Variants in MSI2 observed in about 807,000 individuals in gnomAD.
The protein encoded by MSI2 is RNA-binding protein Musashi homolog 2.
A neutral mutation model predicts 45.6 loss-of-function variants in MSI2; 17 were observed. That is an observed-to-expected ratio of 0.37 (90% CI 0.26 to 0.56). The LOEUF (loss-of-function observed/expected upper bound fraction) is 0.56, where lower values mean the gene tolerates loss of function less well. MSI2 is among the 20% of genes least tolerant of loss of function. The probability of loss-of-function intolerance (pLI) is 0.77; values close to 1 mark genes in which losing one functional copy is unlikely to be tolerated. For missense variants in MSI2, 293 were observed against 444.2 expected (o/e 0.66, Z 3.06); for synonymous variants, 156 against 158.2 (o/e 0.99, Z 0.11).
chr17:57,269,373 A>T (rs912729354), intron 5 of MSI2, among the ~76,000 whole-genome samples: 1 of 152,096 alleles, frequency 6.6e-6, no homozygotes, highest in African/African-American at 2.4e-5. Context: ...GCTCATTCAG[A>T]CCCATATAGA....
At chr17:57,424,796 G>T (rs2084461519) in intron 6 of MSI2, among the ~76,000 whole-genome samples, 1 of 152,102 alleles carries the variant, frequency 6.6e-6, no homozygotes, top group African/African-American at 2.4e-5. Context: ...TAGGGCAGGG[G>T]TCTGATGACT....
intron 8 of MSI2, among the ~76,000 whole-genome samples, chr17:57,603,540 G>C (rs544038685): frequency 6.6e-6 from 1 of 152,182 alleles, no homozygotes; most frequent in African/African-American, 2.4e-5. Flanking sequence ...GTCTCGGCCT[G>C]TTCTGTTGTA....
intron 5 of MSI2, chr17:57,265,177 G>A (rs1464544653): frequency 6.6e-6 from 1 of 152,186 alleles, no homozygotes; most frequent in East Asian, 1.9e-4. Context: ...CAAAACCCAG[G>A]AGCATAGAAC....
intron 10 of MSI2, among the ~76,000 whole-genome samples, chr17:57,639,457 C>T (rs1243165181): frequency 6.6e-6 from 1 of 152,228 alleles, no homozygotes; most frequent in African/African-American, 2.4e-5. Context: ...TTCTCAAACC[C>T]AGGGAATCCC....
intron 7 of MSI2, among the ~76,000 whole-genome samples, chr17:57,533,122 C>T (rs1466324347): frequency 6.6e-6 from 1 of 152,208 alleles, no homozygotes; most frequent in African/African-American, 2.4e-5. Flanking sequence ...CTGGTCACCT[C>T]CTGTCCCTGC....
At position 57,502,636 on chromosome 17, in the gene MSI2, T is replaced by TATATATATATAG; in HGVS notation, c.406-27039_406-27038insTATATATATAGA. Among the ~76,000 whole-genome samples the TATATATATATAG allele has an allele frequency of 4.3e-3, 420 of 96,682 alleles. 8 individuals are homozygous for TATATATATATAG. The highest frequency in any genetic ancestry group is 0.018 in the Middle Eastern group (3 of 168). 63.4% of individuals were successfully genotyped at this position (96,682 alleles called of 152,430 possible). ...ATATATATATATATATATATATATA[T>TATATATATATAG]AGTCATCATTCTGTCATGCAGGAAG... On this transcript the variant is annotated intron_variant, in intron 6 of 13. Transcript: ENST00000284073.
rs528117153 is a variant in MSI2, at chr17:57,552,875, G to A, written c.454+23151G>A. 6.6e-6 allele frequency among the ~76,000 whole-genome samples: 1 copy of A among 152,300 alleles called. No individual in the cohort carries two copies. The highest frequency in any genetic ancestry group is 2.1e-4 in the South Asian group (1 of 4,822). On this transcript the variant is annotated intron_variant, in intron 7 of 13. Coordinates refer to ENST00000284073, the MANE Select transcript of MSI2 (RefSeq NM_138962.4). The surrounding 1 kb of genome is among the most constrained non-coding windows in gnomAD (Gnocchi z 4.3). ...AACAACCCGGAAATCACTGCCCCTA[G>A]AATTCACAGAGTGGAAGAACCAAGC...
chr17:57,267,698 CT>C (rs1342751640), intron 5 of MSI2: 7 of 151,860 alleles, frequency 4.6e-5, no homozygotes, highest in Non-Finnish European at 8.8e-5. Context: ...TGGGTTAATC[CT>C]TGTTCATTGC....
chr17:57,652,251 C>A lies in MSI2; in HGVS notation c.790+90C>A. The A allele has an allele frequency of 1.6e-6, 2 of 1,279,512 alleles. No individual in the cohort carries two copies. The highest frequency in any genetic ancestry group is 2.3e-6 in the Non-Finnish European group (2 of 886,166). The allele number at this position is 1,279,512 out of a possible 1,614,324, so 79.3% of individuals were successfully genotyped here. ...CCCTGTCGGATCTGTGTGGCTGCATCTGTCCAACACCACTCTCACCACAGC... is the reference window on the plus strand; with the variant it reads ...CCCTGTCGGATCTGTGTGGCTGCATATGTCCAACACCACTCTCACCACAGC... On this transcript the variant is annotated intron_variant, in intron 11 of 13. Transcript: ENST00000284073. This position sits in a 1 kb window ranked among gnomAD's most constrained non-coding sequence, Gnocchi z 4.1.
intron 6 of MSI2, among the ~76,000 whole-genome samples, chr17:57,428,242 G>A (rs1006842255): frequency 1.3e-5 from 2 of 152,152 alleles, no homozygotes; most frequent in Non-Finnish European, 2.9e-5. Context: ...TTGTTTTTAT[G>A]AGACAAGGTC....
At chr17:57,373,858 G>A (rs1007991674) in intron 5 of MSI2, among the ~76,000 whole-genome samples, 1 of 152,200 alleles carries the variant, frequency 6.6e-6, no homozygotes, top group Non-Finnish European at 1.5e-5. Context: ...ATGTTGCCAG[G>A]GGAAATAGTT....
At chr17:57,388,048 C>T (rs1347341993) in intron 5 of MSI2, among the ~76,000 whole-genome samples, 1 of 152,216 alleles carries the variant, frequency 6.6e-6, no homozygotes, top group Non-Finnish European at 1.5e-5. Context: ...CTGCTCAGGG[C>T]ACTGGGATTG....
intron 5 of MSI2, among the ~76,000 whole-genome samples, chr17:57,380,159 T>G (rs1479062206): frequency 6.6e-6 from 1 of 152,048 alleles, no homozygotes; most frequent in Non-Finnish European, 1.5e-5. Flanking sequence ...TTCCCGCTCT[T>G]ATTATTAGCT....
intron 6 of MSI2, among the ~76,000 whole-genome samples, chr17:57,423,755 T>G (rs1371928880): frequency 6.6e-6 from 1 of 152,212 alleles, no homozygotes; most frequent in Non-Finnish European, 1.5e-5. Context: ...GCATGGGTTC[T>G]TCACTCTCTC....
chr17:57,656,244 G>T (rs2144698107), intron 11 of MSI2, among the ~76,000 whole-genome samples: 1 of 152,244 alleles, frequency 6.6e-6, no homozygotes, highest in South Asian at 2.1e-4. Flanking sequence ...CCAGAACTGG[G>T]TCACCACCCT....
intron 6 of MSI2, among the ~76,000 whole-genome samples, chr17:57,421,713 A>G (rs2084399907): frequency 1.3e-5 from 2 of 152,120 alleles, no homozygotes; most frequent in African/African-American, 4.8e-5. Context: ...GTGAGACCCT[A>G]TCTGTACAAA....
intron 6 of MSI2, among the ~76,000 whole-genome samples, chr17:57,466,136 C>T (rs886983180): frequency 3.9e-5 from 6 of 152,132 alleles, no homozygotes; most frequent in African/African-American, 7.2e-5. Context: ...CAGAGTCCCC[C>T]GTAATTAGGG....
intron 5 of MSI2, among the ~76,000 whole-genome samples, chr17:57,391,700 C>T (rs2083794953): frequency 1.3e-5 from 2 of 152,120 alleles, no homozygotes; most frequent in South Asian, 2.1e-4. Flanking sequence ...TCATACCAAC[C>T]CCACCATCCT....
chr17:57,301,988 A>G (rs1598092929), intron 5 of MSI2, among the ~76,000 whole-genome samples: 1 of 152,232 alleles, frequency 6.6e-6, no homozygotes, highest in Non-Finnish European at 1.5e-5. Context: ...GCATCCTTAT[A>G]GACAGTTGTT....
Sources: gnomAD v4.1 joint callset for allele counts (sites outside exome capture counted in the v4.1 genomes callset) on GRCh38, gnomAD v4.1.1 for gene constraint, Gnocchi (gnomAD v3.1) non-coding constraint, MANE v1.5 for transcripts, NCBI Gene and HGNC (gene_info 2026-07-23, HGNC 2026-07-21) for gene names.